Variants in DDI2 observed in about 807,000 individuals in gnomAD.
DDI2 encodes protein DDI1 homolog 2.
DDI2 carries 5 observed loss-of-function variants against 48.1 expected under a neutral mutation model. The ratio of observed to expected loss-of-function variants is 0.10; its 90% CI spans 0.05 to 0.22. The LOEUF is 0.22. Ranked by LOEUF, DDI2 falls within the 10% of genes least tolerant of loss-of-function variation. The pLI, the probability that DDI2 is intolerant of heterozygous loss-of-function variation, is 1.00. For synonymous variants in DDI2, 205 were observed against 183.6 expected (o/e 1.12, Z -0.94); for missense variants, 285 against 506.2 (o/e 0.56, Z 4.19).
chr1:15,645,811 A>G (rs546237280), intron 6 of DDI2, among the ~76,000 whole-genome samples: 139 of 150,082 alleles, frequency 9.3e-4, no homozygotes, highest in Admixed American at 3.3e-3. Flanking sequence ...TAGAGGCTGC[A>G]GTGAGCTGTG....
In DDI2 at chr1:15,643,228, G is replaced by T. The variant is rs905534264; in HGVS notation, c.761-294G>T. On this transcript the variant is annotated intron_variant, in intron 5 of 9. Transcript: ENST00000480945. Reference sequence around the variant, plus strand: ...TGCTAATTTAGCATTGCCATCTGTAGACGCAGGACATCACTGCTTTCTACT... The same window carrying T: ...TGCTAATTTAGCATTGCCATCTGTATACGCAGGACATCACTGCTTTCTACT... 2.6e-5 allele frequency among the ~76,000 whole-genome samples: 4 copies of T among 152,374 alleles called. No individual in the cohort carries two copies. In the East Asian group the frequency reaches 7.7e-4, roughly 29 times the overall value.
intron 6 of DDI2, 36 bp downstream of exon 6, chr1:15,643,686 T>G: frequency 6.2e-7 from 1 of 1,609,916 alleles, no homozygotes; most frequent in South Asian, 1.1e-5. Context: ...TGTCTTTCTG[T>G]AGGCTATTTG....
intron 1 of DDI2, among the ~76,000 whole-genome samples, chr1:15,618,800 T>G (rs773994359): frequency 1.2e-4 from 18 of 152,228 alleles, no homozygotes; most frequent in Non-Finnish European, 2.6e-4. Flanking sequence ...AGTCTAAACA[T>G]TAAGAAAATT....
chr1:15,619,153 C>T (rs1639614519), intron 1 of DDI2, among the ~76,000 whole-genome samples: 1 of 152,042 alleles, frequency 6.6e-6, no homozygotes, highest in Admixed American at 6.5e-5. Flanking sequence ...CGGAGTCTTG[C>T]TCTGTCGCCC....
chr1:15,643,967 T>A (rs1640047864), intron 6 of DDI2, among the ~76,000 whole-genome samples: 1 of 152,224 alleles, frequency 6.6e-6, no homozygotes, highest in African/African-American at 2.4e-5. Context: ...ATAACATGTT[T>A]ATTTTGCTGT....
In DDI2 at chr1:15,660,622, G is replaced by A. The variant is rs748599805; in HGVS notation, c.*832G>A. On this transcript the variant is annotated 3_prime_UTR_variant, in exon 10 of 10. Transcript: ENST00000480945. ...AAATTCAGAAACATTTATGGAAATCGATACAGCTCAACAGTCCCTAGTTAC... is the reference window on the plus strand; with the variant it reads ...AAATTCAGAAACATTTATGGAAATCAATACAGCTCAACAGTCCCTAGTTAC... The A allele has an allele frequency of 1.9e-6, 3 of 1,614,132 alleles. No homozygotes were observed. The highest frequency in any genetic ancestry group is 2.2e-5 in the South Asian group (2 of 91,056).
intron 1 of DDI2, among the ~76,000 whole-genome samples, chr1:15,624,884 C>T (rs754673616): frequency 1.3e-5 from 2 of 152,064 alleles, no homozygotes; most frequent in Non-Finnish European, 2.9e-5. Context: ...AGGCATGAGC[C>T]ATCATACCAG....
At chr1:15,656,031 G>T (rs1441475196) in intron 8 of DDI2, among the ~76,000 whole-genome samples, 1 of 152,094 alleles carries the variant, frequency 6.6e-6, no homozygotes, top group Non-Finnish European at 1.5e-5. Context: ...AGTAGGGATG[G>T]TGTCTCACTA....
chr1:15,660,337 CAG>C lies in DDI2; in HGVS notation c.*549_*550del. On this transcript the variant is annotated 3_prime_UTR_variant, in exon 10 of 10. Coordinates refer to ENST00000480945, the MANE Select transcript of DDI2 (RefSeq NM_032341.5). The stretch of plus-strand genomic sequence containing the variant: ...TGAAAAGGATTGGCATCCAGAAAAT[CAG>C]AACCTGAGTCAAGTGAGTGACCCTC... 1 of 1,614,128 alleles carries C rather than the reference CAG, an allele frequency of 6.2e-7. No individual in the cohort carries two copies. Among genetic ancestry groups the C allele is most frequent in the Middle Eastern group, 1.6e-4 (1 of 6,062 alleles).
At chr1:15,641,782 C>A in intron 5 of DDI2, among the ~76,000 whole-genome samples, 1 of 151,790 alleles carries the variant, frequency 6.6e-6, no homozygotes, top group East Asian at 1.9e-4. Context: ...TGCTGAAGCC[C>A]CATCTCTACT....
chr1:15,633,737 C>T (rs182701846), intron 4 of DDI2, 172 bp downstream of exon 4: 9 of 968,036 alleles, frequency 9.3e-6, no homozygotes, highest in Admixed American at 7.7e-5. Flanking sequence ...CTATGCATTT[C>T]GATTTGACAT....
intron 8 of DDI2, 124 bp from the exon 9 acceptor site, chr1:15,656,493 C>A: frequency 6.3e-7 from 1 of 1,589,706 alleles, no homozygotes; most frequent in Admixed American, 1.7e-5. Flanking sequence ...AGAAACATCC[C>A]TCAACTTGGA....
chr1:15,641,524 GA>G (rs1357364664), intron 5 of DDI2, among the ~76,000 whole-genome samples: 1 of 151,950 alleles, frequency 6.6e-6, no homozygotes, highest in Non-Finnish European at 1.5e-5. Context: ...CACAGATCTG[GA>G]AAATTCTGTA....
Position 15,661,778 on chromosome 1 carries a change from C to G in DDI2, c.*1988C>G. 1 of 1,533,386 alleles carries G rather than the reference C, an allele frequency of 6.5e-7. No homozygotes were observed. The highest frequency in any genetic ancestry group is 8.8e-7 in the Non-Finnish European group (1 of 1,141,950). 95.0% of individuals were successfully genotyped at this position (1,533,386 alleles called of 1,614,324 possible). On this transcript the variant is annotated 3_prime_UTR_variant, in exon 10 of 10. Coordinates refer to ENST00000480945, the MANE Select transcript of DDI2 (RefSeq NM_032341.5). ...TTCCCTTTAAACAAAAGAAAGCTCT[C>G]TCTATATACACGCACACATACACAC...
chr1:15,637,042 CT>C (rs1419581647), intron 4 of DDI2, among the ~76,000 whole-genome samples: 1 of 152,104 alleles, frequency 6.6e-6, no homozygotes, highest in African/African-American at 2.4e-5. Flanking sequence ...AACCGCTGAC[CT>C]AGTTTCCATT....
At chr1:15,643,466 G>A (rs1167689803) in intron 5 of DDI2, 56 bp from the exon 6 acceptor site, 9 of 1,596,842 alleles carry the variant, frequency 5.6e-6, no homozygotes, top group Middle Eastern at 1.7e-4. Context: ...TATATTTTGA[G>A]TCTTCTCACA....
rs1368404516 is a variant in DDI2, at chr1:15,660,275, C to T, written c.*485C>T. 1.2e-6 allele frequency: 2 copies of T among 1,614,060 alleles called. No homozygotes were observed. The highest frequency in any genetic ancestry group is 1.1e-5 in the South Asian group (1 of 91,094). ...AGACAGGAAGCTAGTTTATCTGTCA[C>T]ATCTACTAGGATGCATGAACCACAG... On this transcript the variant is annotated 3_prime_UTR_variant, in exon 10 of 10. Transcript: ENST00000480945.
Position 15,651,788 on chromosome 1 carries a change from C to A in DDI2, c.1076C>A (p.Pro359Gln). The A allele has an allele frequency of 6.2e-7, 1 of 1,614,036 alleles. No individual in the cohort carries two copies. The highest frequency in any genetic ancestry group is 8.5e-7 in the Non-Finnish European group (1 of 1,179,960). Residue 359 changes from proline (P) to glutamine (Q), a missense_variant, in exon 8 of 10, where the codon CCA becomes CAA. Around this residue, in one of 3 missense-constraint regions of DDI2, gnomAD observed 66 missense variants for 87.3 expected, o/e 0.76. Coordinates refer to ENST00000480945, the MANE Select transcript of DDI2 (RefSeq NM_032341.5). ...QTTFLPEGELPECARLAYGAG... is the reference protein window; with the variant it reads ...QTTFLPEGELQECARLAYGAG... ...ACCTTTCTTCCTGAGGGAGAGCTAC[C>A]AGAGTGTGCCCGGTTGGCATATGGG...
rs751384510 is a variant in DDI2, at chr1:15,626,692, C to T, written c.162C>T (p.Leu54=). ...AGATCGTCTATGCGGAAAGACCTCT[C>T]ACAGACAACCACAGATCATTGGCTT... is the stretch of plus-strand genomic sequence containing the variant. The part of the protein sequence containing the change: ...ESQIVYAERP[L]TDNHRSLASY... Residue 54 remains leucine (L), a synonymous_variant, in exon 2 of 10, where the codon CTC becomes CTT. Transcript: ENST00000480945. 3.1e-6 allele frequency: 5 copies of T among 1,613,934 alleles called. No individual in the cohort carries two copies. Among genetic ancestry groups the T allele is most frequent in the Non-Finnish European group, 4.2e-6 (5 of 1,180,022 alleles).
Sources: allele counts gnomAD v4.1 joint callset (sites outside exome capture counted in the v4.1 genomes callset), GRCh38; gene constraint gnomAD v4.1.1; regional missense constraint gnomAD v4.1.1; transcripts MANE v1.5; gene names NCBI Gene and HGNC (gene_info 2026-07-23, HGNC 2026-07-21).